Variants in RABGAP1L observed in about 807,000 individuals in gnomAD.
RABGAP1L encodes the protein RAB GTPase activating protein 1 like.
In RABGAP1L, 63 loss-of-function variants were observed where a neutral mutation model predicts 137.7. The ratio of observed to expected loss-of-function variants is 0.46; its 90% CI spans 0.37 to 0.56. RABGAP1L has a LOEUF of 0.56. Among genes scored for constraint, RABGAP1L ranks in the 20% least tolerant of loss-of-function variants. The pLI, the probability that RABGAP1L is intolerant of heterozygous loss-of-function variation, is 0.00. For missense variants in RABGAP1L, 1,095 were observed against 1,244.0 expected (o/e 0.88, Z 1.80); for synonymous variants, 431 against 433.7 (o/e 0.99, Z 0.08).
intron 19 of RABGAP1L, among the ~76,000 whole-genome samples, chr1:174,863,243 A>AAAAAAAAG (rs1182089051): frequency 1.4e-5 from 2 of 140,064 alleles, no homozygotes; most frequent in African/African-American, 2.6e-5. Flanking sequence ...CAAAAAAAAA[A>AAAAAAAAG]AAAAAGAAAA....
chr1:174,722,544 G>A (rs1479424250), intron 17 of RABGAP1L, among the ~76,000 whole-genome samples: 1 of 151,802 alleles, frequency 6.6e-6, no homozygotes, highest in African/African-American at 2.4e-5. Flanking sequence ...CTGTCTCCTG[G>A]GTTCAAGCGA....
rs1294377669 is a variant in RABGAP1L, at chr1:174,712,639, CAG to C, written c.2169+10384_2169+10385del. Among the ~76,000 whole-genome samples, 18 of 152,216 alleles carry C rather than the reference CAG, an allele frequency of 1.2e-4. 1 individual carries two copies. Among genetic ancestry groups the C allele is most frequent in the Admixed American group, 9.2e-4 (14 of 15,294 alleles). The stretch of plus-strand genomic sequence containing the variant: ...ACCAAGAACCCACCAATTCCGGACA[CAG>C]TGGTTTTCCCCTGCAGTCAGGCTGC... On this transcript the variant is annotated intron_variant, in intron 17 of 25. Coordinates refer to ENST00000681986, the MANE Select transcript of RABGAP1L (RefSeq NM_001366446.1).
At chr1:174,841,943 T>C (rs1447004177) in intron 19 of RABGAP1L, among the ~76,000 whole-genome samples, 1 of 151,976 alleles carries the variant, frequency 6.6e-6, no homozygotes, top group Non-Finnish European at 1.5e-5. Flanking sequence ...TAGATGCCAA[T>C]AGGAGATGGC....
chr1:174,172,643 C>T (rs1458598025), intron 1 of RABGAP1L, among the ~76,000 whole-genome samples: 2 of 152,068 alleles, frequency 1.3e-5, no homozygotes, highest in African/African-American at 4.8e-5. Context: ...CTTTGTATGT[C>T]TTCTTTGGAA....
chr1:174,236,629 A>G (rs1239105235), intron 4 of RABGAP1L, among the ~76,000 whole-genome samples: 1 of 149,564 alleles, frequency 6.7e-6, no homozygotes, highest in Admixed American at 6.7e-5. Context: ...CTGTGGTCTG[A>G]GAGACAGTTT....
chr1:174,732,441 G>T (rs1432335947), intron 17 of RABGAP1L, among the ~76,000 whole-genome samples: 1 of 152,136 alleles, frequency 6.6e-6, no homozygotes, highest in Non-Finnish European at 1.5e-5. Context: ...CTATGCTACA[G>T]AATTCTGTCT....
At chr1:174,314,710 G>A (rs934245538) in intron 11 of RABGAP1L, among the ~76,000 whole-genome samples, 3 of 151,974 alleles carry the variant, frequency 2.0e-5, no homozygotes, top group Non-Finnish European at 4.4e-5. Context: ...TTTATTTCAC[G>A]AAATTTTTCA....
chr1:174,274,773 G>A lies in RABGAP1L; in HGVS notation c.1054-1060G>A, dbSNP rs188317165. 2.0e-5 allele frequency among the ~76,000 whole-genome samples: 3 copies of A among 152,080 alleles called. No homozygotes were observed. In the East Asian group the frequency reaches 5.8e-4, roughly 29 times the overall value. ...GCTCAAGCTACACAATCTGATTAGT[G>A]AAGTATTACTAATACACTAGAAAAA... On this transcript the variant is annotated intron_variant, in intron 8 of 25. Coordinates refer to ENST00000681986, the MANE Select transcript of RABGAP1L (RefSeq NM_001366446.1).
intron 1 of RABGAP1L, among the ~76,000 whole-genome samples, chr1:174,169,128 T>G (rs1665142653): frequency 6.6e-6 from 1 of 152,262 alleles, no homozygotes; most frequent in South Asian, 2.1e-4. Context: ...CTTGTCAACA[T>G]TATCAATAGC....
At position 174,881,474 on chromosome 1, in the gene RABGAP1L, A is replaced by G. The variant is rs529684545; in HGVS notation, c.2340+69514A>G. Reference sequence around the variant, plus strand: ...AAGTTATTCTAAAATTGTGCAAGATAAAAATATATATCATTTGCTTTTTTT... The same window carrying G: ...AAGTTATTCTAAAATTGTGCAAGATGAAAATATATATCATTTGCTTTTTTT... On this transcript the variant is annotated intron_variant, in intron 19 of 25. Coordinates refer to ENST00000681986, the MANE Select transcript of RABGAP1L (RefSeq NM_001366446.1). 1.6e-4 allele frequency among the ~76,000 whole-genome samples: 24 copies of G among 151,122 alleles called. No homozygotes were observed. The South Asian group carries it at 5.1e-3, about 32-fold the overall frequency.
At chr1:174,217,609 A>G (rs928346847) in intron 1 of RABGAP1L, among the ~76,000 whole-genome samples, 4 of 152,156 alleles carry the variant, frequency 2.6e-5, no homozygotes, top group South Asian at 2.1e-4. Flanking sequence ...CTGGCTTGTA[A>G]CACATTCTGC....
Position 174,921,001 on chromosome 1 carries a change from C to T in RABGAP1L, c.2341-36456C>T, listed in dbSNP as rs370158374. 1.1e-4 allele frequency among the ~76,000 whole-genome samples: 16 copies of T among 152,340 alleles called. No individual in the cohort carries two copies. In the South Asian group the frequency reaches 2.1e-3, roughly 20 times the overall value. ...ACAGTGGAGCGATCTTGGCTCACTG[C>T]AGCCTCCGCCTCCCGGGTTCAAGCA... On this transcript the variant is annotated intron_variant, in intron 19 of 25. Transcript: ENST00000681986.
intron 20 of RABGAP1L, among the ~76,000 whole-genome samples, chr1:174,958,824 C>T (rs1668841864): frequency 6.6e-6 from 1 of 152,172 alleles, no homozygotes; most frequent in Admixed American, 6.5e-5. Context: ...CACCATTCAG[C>T]ATCTTCGACT....
intron 18 of RABGAP1L, among the ~76,000 whole-genome samples, chr1:174,780,784 T>C (rs972612784): frequency 3.5e-5 from 5 of 140,978 alleles, no homozygotes; most frequent in African/African-American, 1.3e-4. Flanking sequence ...AGTGTTCTCA[T>C]TGTTCAATTC....
intron 13 of RABGAP1L, among the ~76,000 whole-genome samples, chr1:174,603,891 A>C (rs766018351): frequency 6.6e-6 from 1 of 151,766 alleles, no homozygotes; most frequent in Non-Finnish European, 1.5e-5. Flanking sequence ...TTGGTGCCCT[A>C]TTCTACTGTG....
Position 174,370,972 on chromosome 1 carries a change from T to C in RABGAP1L, c.1466-7T>C, listed in dbSNP as rs1685071883. 1 of 1,448,126 alleles carries C rather than the reference T, an allele frequency of 6.9e-7. No homozygotes were observed. Among genetic ancestry groups the C allele is most frequent in the East Asian group, 2.3e-5 (1 of 43,076 alleles). The allele number at this position is 1,448,126 out of a possible 1,614,324, so 89.7% of individuals were successfully genotyped here. A position where few individuals can be genotyped will look rare whatever the true frequency, so the allele number is the denominator to read the frequency against. ...AATGTTTGTTGGTTTTTGCGTTTCT[T>C]CTGCAGAGAGTGATAATGAACTCTC... On this transcript the variant is annotated splice_region_variant and splice_polypyrimidine_tract_variant and intron_variant, in intron 11 of 25. Transcript: ENST00000681986.
chr1:174,847,426 G>A (rs1243402841), intron 19 of RABGAP1L, among the ~76,000 whole-genome samples: 1 of 151,054 alleles, frequency 6.6e-6, no homozygotes, highest in Non-Finnish European at 1.5e-5. Context: ...AGGCCTGGTG[G>A]TGACAAAATC....
chr1:174,194,448 C>A (rs1057483974), intron 1 of RABGAP1L, among the ~76,000 whole-genome samples: 2 of 152,068 alleles, frequency 1.3e-5, no homozygotes, highest in Non-Finnish European at 2.9e-5. Context: ...GTTGGCCATG[C>A]TGGTCTCAAA....
intron 13 of RABGAP1L, among the ~76,000 whole-genome samples, chr1:174,586,165 A>G (rs1321688212): frequency 2.0e-5 from 3 of 152,212 alleles, no homozygotes; most frequent in Non-Finnish European, 4.4e-5. Context: ...AAAATGTGAT[A>G]CATATACACC....
Sources: allele counts gnomAD v4.1 joint callset (sites outside exome capture counted in the v4.1 genomes callset), GRCh38; gene constraint gnomAD v4.1.1; transcripts MANE v1.5; gene names NCBI Gene and HGNC (gene_info 2026-07-23, HGNC 2026-07-21).